The following GTF3C3 variants were observed in gnomAD, a reference collection of about 807,000 sequenced individuals.
The protein encoded by GTF3C3 is general transcription factor 3C polypeptide 3.
A neutral mutation model predicts 105.2 loss-of-function variants in GTF3C3; 75 were observed. That is an observed-to-expected ratio of 0.71 (90% CI 0.59 to 0.86). The LOEUF (loss-of-function observed/expected upper bound fraction) is 0.86. Among genes scored for constraint, GTF3C3 ranks in the 40% least tolerant of loss-of-function variants. The pLI, the probability that GTF3C3 is intolerant of heterozygous loss-of-function variation, is 0.00. For synonymous variants in GTF3C3, 335 were observed against 370.4 expected (o/e 0.90, Z 1.10); for missense variants, 856 against 1,076.5 (o/e 0.80, Z 2.87).
rs537816308 is a variant in GTF3C3, at chr2:196,797,705, G to C, written c.214+92C>G. The C allele has an allele frequency of 1.3e-3, 982 of 764,030 alleles. 18 individuals are homozygous for C. The South Asian group carries it at 0.014, about 11-fold the overall frequency. The allele number at this position is 764,030 out of a possible 1,614,324, so 47.3% of individuals were successfully genotyped here. A position where few individuals can be genotyped will look rare whatever the true frequency, so the allele number is the denominator to read the frequency against. ...GAAAAACCAGGTAATCAACAACAGA[G>C]TATCACTGCCATGAAAATACAATGT... On this transcript the variant is annotated intron_variant, in intron 2 of 17. Transcript: ENST00000263956.
At chr2:196,779,906 C>T (rs1699317736) in intron 9 of GTF3C3, among the ~76,000 whole-genome samples, 1 of 152,088 alleles carries the variant, frequency 6.6e-6, no homozygotes. Flanking sequence ...GTCTTGAACT[C>T]CTGAGCTCAA....
chr2:196,773,303 A>C, intron 13 of GTF3C3, 150 bp from the exon 14 acceptor site: 1 of 637,108 alleles, frequency 1.6e-6, no homozygotes, highest in Non-Finnish European at 2.8e-6. Context: ...GAGAAGGGGT[A>C]GTTGCTTGCT....
At chr2:196,782,248 C>G in intron 8 of GTF3C3, among the ~76,000 whole-genome samples, 1 of 152,168 alleles carries the variant, frequency 6.6e-6, no homozygotes, top group East Asian at 1.9e-4. Context: ...GAAAAGGGCC[C>G]TCACCAGACA....
chr2:196,766,869 T>TA (rs1699078173), intron 16 of GTF3C3, 152 bp from the exon 17 acceptor site: 1 of 484,922 alleles, frequency 2.1e-6, no homozygotes, highest in African/African-American at 1.9e-5. Context: ...ACAGTGTAGT[T>TA]AGGTGTCAAC....
chr2:196,768,120 C>T (rs778861742), intron 16 of GTF3C3, among the ~76,000 whole-genome samples: 19 of 152,126 alleles, frequency 1.2e-4, no homozygotes, highest in East Asian at 3.8e-4. Context: ...TGGGTTCAAG[C>T]GACTCTCCTG....
In GTF3C3 at chr2:196,770,033, T is replaced by C. The variant is rs1699144585; in HGVS notation, c.2267A>G (p.Tyr756Cys). 5.2e-6 allele frequency: 8 copies of C among 1,537,192 alleles called. No individual in the cohort carries two copies. The highest frequency in any genetic ancestry group is 7.0e-6 in the Non-Finnish European group (8 of 1,149,654). The change falls in exon 16 of 18, where the codon TAT (tyrosine) becomes TGT (cysteine). Residue 756 changes from tyrosine to cysteine, a missense_variant. Around this residue, in one of 3 missense-constraint regions of GTF3C3, gnomAD observed 605 missense variants for 833.6 expected, o/e 0.73. Transcript: ENST00000263956. ...SGSFKHALGQ[Y>C]VQAFRTHPDE... is the part of the protein sequence containing the mutation. ...AGGGTGAGTGCGAAAGGCTTGCACA[T>C]ACTGTCCTGGAAAATAAGCAGTGGT...
intron 16 of GTF3C3, among the ~76,000 whole-genome samples, chr2:196,767,339 T>TA (rs1699086137): frequency 6.6e-6 from 1 of 152,226 alleles, no homozygotes; most frequent in African/African-American, 2.4e-5. Flanking sequence ...CTTGTTTCTT[T>TA]ACCTCTTCCC....
chr2:196,777,100 C>T (rs982595278), intron 10 of GTF3C3, among the ~76,000 whole-genome samples: 4 of 152,340 alleles, frequency 2.6e-5, no homozygotes, highest in Non-Finnish European at 5.9e-5. Flanking sequence ...TAACATCCTA[C>T]ATTTCTTAAA....
chr2:196,772,018 G>T, intron 14 of GTF3C3, 80 bp from the exon 15 acceptor site: 1 of 898,416 alleles, frequency 1.1e-6, no homozygotes, highest in Non-Finnish European at 1.8e-6. Flanking sequence ...CTTCAGTGCT[G>T]TCCTACCAGC....
Position 196,763,610 on chromosome 2 carries a change from C to A in GTF3C3, c.*953G>T, listed in dbSNP as rs1344730289. 1 of 152,088 alleles carries A rather than the reference C, an allele frequency of 6.6e-6. No homozygotes were observed. Among genetic ancestry groups the A allele is most frequent in the Non-Finnish European group, 1.5e-5 (1 of 68,000 alleles). The allele number at this position is 152,088 out of a possible 1,614,324, so 9.4% of individuals were successfully genotyped here. ...TAAGTCCCAATTTTATTTCTTTGATCCTAAGCCTCTACTTGTTTCCCTCCC... is the reference window on the plus strand; with the variant it reads ...TAAGTCCCAATTTTATTTCTTTGATACTAAGCCTCTACTTGTTTCCCTCCC... On this transcript the variant is annotated 3_prime_UTR_variant, in exon 18 of 18. Coordinates refer to ENST00000263956, the MANE Select transcript of GTF3C3 (RefSeq NM_012086.5).
At chr2:196,793,931 G>A (rs936368739) in intron 2 of GTF3C3, among the ~76,000 whole-genome samples, 1 of 152,166 alleles carries the variant, frequency 6.6e-6, no homozygotes, top group African/African-American at 2.4e-5. Context: ...CATTGCTATG[G>A]TTTGAATATC....
At chr2:196,790,152 GTCT>G (rs1391121593) in intron 4 of GTF3C3, 82 bp from the exon 5 acceptor site, 3 of 842,944 alleles carry the variant, frequency 3.6e-6, no homozygotes. Flanking sequence ...CAAACTGTAT[GTCT>G]TTTTTTTAAA....
intron 2 of GTF3C3, among the ~76,000 whole-genome samples, chr2:196,794,822 C>A (rs1042826574): frequency 6.6e-6 from 1 of 151,712 alleles, no homozygotes; most frequent in Admixed American, 6.6e-5. Flanking sequence ...GCAGCCTCCA[C>A]CTCCCAGGTG....
At chr2:196,775,330 A>T (rs771330194) in intron 12 of GTF3C3, 79 bp from the exon 13 acceptor site, 4 of 1,369,324 alleles carry the variant, frequency 2.9e-6, no homozygotes, top group Non-Finnish European at 4.0e-6. Flanking sequence ...ATGTTGGCTC[A>T]GGCTGGATTT....
At chr2:196,795,057 T>G (rs528282886) in intron 2 of GTF3C3, among the ~76,000 whole-genome samples, 15 of 151,778 alleles carry the variant, frequency 9.9e-5, no homozygotes, top group South Asian at 2.1e-4. Flanking sequence ...GTTTTGTTTT[T>G]TTTAGACAGA....
intron 8 of GTF3C3, among the ~76,000 whole-genome samples, chr2:196,781,713 T>G (rs1699367142): frequency 6.6e-6 from 1 of 151,958 alleles, no homozygotes. Context: ...TAAGAGACTG[T>G]TTTTATCACT....
chr2:196,780,406 G>A, intron 9 of GTF3C3, 153 bp downstream of exon 9: 1 of 1,284,964 alleles, frequency 7.8e-7, no homozygotes. Flanking sequence ...GTTTTTATAA[G>A]ATATTCATAC....
At chr2:196,765,455 T>C (rs1576012935) in intron 17 of GTF3C3, among the ~76,000 whole-genome samples, 1 of 151,992 alleles carries the variant, frequency 6.6e-6, no homozygotes, top group African/African-American at 2.4e-5. Context: ...CCTCCAGTAA[T>C]ATTGACAGGA....
chr2:196,770,802 T>C (rs1367045773), intron 15 of GTF3C3, among the ~76,000 whole-genome samples: 1 of 152,236 alleles, frequency 6.6e-6, no homozygotes, highest in Admixed American at 6.5e-5. Flanking sequence ...TTGTCTATCA[T>C]TTTAACCTTT....
Sources: gnomAD v4.1 joint callset for allele counts (sites outside exome capture counted in the v4.1 genomes callset) on GRCh38, gnomAD v4.1.1 for gene constraint, gnomAD v4.1.1 regional missense constraint, MANE v1.5 for transcripts, NCBI Gene and HGNC (gene_info 2026-07-23, HGNC 2026-07-21) for gene names.